UBL3: variants seen among roughly 807,000 people sequenced by gnomAD.
The protein encoded by UBL3 is ubiquitin-like protein 3.
In UBL3, 6 loss-of-function variants were observed where a neutral mutation model predicts 18.4. The ratio of observed to expected loss-of-function variants is 0.33; its 90% CI spans 0.18 to 0.64. The LOEUF (loss-of-function observed/expected upper bound fraction) is 0.64, where lower values mean the gene tolerates loss of function less well. Ranked by LOEUF, UBL3 falls within the 30% of genes least tolerant of loss-of-function variation. The pLI, the probability that UBL3 is intolerant of heterozygous loss-of-function variation, is 0.76. For missense variants in UBL3, 109 were observed against 142.9 expected (o/e 0.76, Z 1.21); for synonymous variants, 49 against 46.6 (o/e 1.05, Z -0.21).
intron 1 of UBL3, among the ~76,000 whole-genome samples, chr13:29,811,891 A>T (rs1389710003): frequency 3.3e-5 from 5 of 151,986 alleles, no homozygotes; most frequent in African/African-American, 1.2e-4. Flanking sequence ...CCTAACTGAT[A>T]CACTCTCTAT....
intron 1 of UBL3, among the ~76,000 whole-genome samples, chr13:29,823,909 C>T (rs1423387082): frequency 1.4e-5 from 2 of 142,722 alleles, no homozygotes; most frequent in Non-Finnish European, 3.0e-5. Flanking sequence ...TTCCTGTGTT[C>T]AAGTGTTCTC....
At chr13:29,825,891 A>C (rs1228865835) in intron 1 of UBL3, among the ~76,000 whole-genome samples, 2 of 152,160 alleles carry the variant, frequency 1.3e-5, no homozygotes, top group Non-Finnish European at 2.9e-5. Context: ...ATTTATTGAG[A>C]ATGTTTAGCA....
intron 1 of UBL3, among the ~76,000 whole-genome samples, chr13:29,782,271 CCAAAACAAGA>C (rs1227454199): frequency 1.3e-5 from 2 of 151,964 alleles, no homozygotes; most frequent in Non-Finnish European, 2.9e-5. Context: ...CCAAACCAAA[CCAAAACAAGA>C]CAAAACAAGA....
intron 1 of UBL3, among the ~76,000 whole-genome samples, chr13:29,812,241 C>G (rs1878108675): frequency 1.3e-5 from 2 of 151,964 alleles, no homozygotes; most frequent in Non-Finnish European, 2.9e-5. Context: ...ATTCAAAATT[C>G]AATTCTAAGA....
chr13:29,828,976 G>T (rs1473626074), intron 1 of UBL3, among the ~76,000 whole-genome samples: 3 of 152,200 alleles, frequency 2.0e-5, no homozygotes, highest in Non-Finnish European at 4.4e-5. Context: ...AGCAGCGGAG[G>T]CTGCAGAACA....
At chr13:29,801,440 A>G (rs781767131) in intron 1 of UBL3, among the ~76,000 whole-genome samples, 35 of 152,260 alleles carry the variant, frequency 2.3e-4, no homozygotes, top group Non-Finnish European at 3.4e-4. Flanking sequence ...TTAAAGCATG[A>G]CAGTCATTGT....
At chr13:29,790,431 A>G (rs948474233) in intron 1 of UBL3, among the ~76,000 whole-genome samples, 1 of 152,188 alleles carries the variant, frequency 6.6e-6, no homozygotes, top group Non-Finnish European at 1.5e-5. Context: ...GAAAACATCA[A>G]AAACCTTCTT....
Position 29,765,033 on chromosome 13 carries a change from G to A in UBL3, c.*2222C>T, listed in dbSNP as rs561905042. The A allele has an allele frequency of 2.6e-5, 4 of 151,778 alleles. No homozygotes were observed. The highest frequency in any genetic ancestry group is 1.3e-4 in the Admixed American group (2 of 15,230). The allele number at this position is 151,778 out of a possible 1,614,324, so 9.4% of individuals were successfully genotyped here. ...ACTATGATATTAGGTATTAAGCGAC[G>A]TAATTCTTTCTCTACTAGTGAACCA... On this transcript the variant is annotated 3_prime_UTR_variant, in exon 5 of 5. Coordinates refer to ENST00000380680, the MANE Select transcript of UBL3 (RefSeq NM_007106.4).
chr13:29,793,118 TAAA>T (rs1240474171), intron 1 of UBL3, among the ~76,000 whole-genome samples: 9 of 151,756 alleles, frequency 5.9e-5, no homozygotes, highest in Non-Finnish European at 1.0e-4. Context: ...AGAGGGGAAA[TAAA>T]GAAGAGAACT....
At chr13:29,846,441 T>A (rs1879229876) in intron 1 of UBL3, among the ~76,000 whole-genome samples, 1 of 152,078 alleles carries the variant, frequency 6.6e-6, no homozygotes. Flanking sequence ...CACTCCCTCA[T>A]CCAAAAAATT....
At chr13:29,808,425 C>G (rs752901752) in intron 1 of UBL3, among the ~76,000 whole-genome samples, 7 of 152,086 alleles carry the variant, frequency 4.6e-5, no homozygotes, top group Non-Finnish European at 7.4e-5. Flanking sequence ...TGTTACCACT[C>G]AACCTTTTGA....
intron 1 of UBL3, among the ~76,000 whole-genome samples, chr13:29,839,679 G>A (rs1177060923): frequency 2.6e-5 from 4 of 152,110 alleles, no homozygotes; most frequent in African/African-American, 9.7e-5. Flanking sequence ...TGTAATCCCA[G>A]CACTTTGGGA....
intron 2 of UBL3, among the ~76,000 whole-genome samples, chr13:29,776,644 G>A (rs1268058563): frequency 6.6e-6 from 1 of 151,854 alleles, no homozygotes; most frequent in South Asian, 2.1e-4. Flanking sequence ...AGGCCGAGGT[G>A]GGTGGATCAC....
intron 1 of UBL3, among the ~76,000 whole-genome samples, chr13:29,786,072 T>C (rs1051262056): frequency 6.6e-6 from 1 of 152,162 alleles, no homozygotes; most frequent in Non-Finnish European, 1.5e-5. Context: ...AAGGTATTAC[T>C]CTCCCATTCT....
At chr13:29,813,573 A>G (rs1230780392) in intron 1 of UBL3, among the ~76,000 whole-genome samples, 1 of 152,138 alleles carries the variant, frequency 6.6e-6, no homozygotes, top group African/African-American at 2.4e-5. Context: ...ACAATTAAAA[A>G]TAATGCAAAT....
At chr13:29,833,572 G>A (rs967124365) in intron 1 of UBL3, among the ~76,000 whole-genome samples, 11 of 152,132 alleles carry the variant, frequency 7.2e-5, no homozygotes, top group Admixed American at 5.2e-4. Context: ...AATTCCCTAA[G>A]ATAGCTGCAT....
chr13:29,811,466 T>C (rs1241801602), intron 1 of UBL3, among the ~76,000 whole-genome samples: 1 of 152,124 alleles, frequency 6.6e-6, no homozygotes, highest in East Asian at 1.9e-4. Flanking sequence ...GACCTAGTTC[T>C]GGACAAAGAG....
chr13:29,787,628 C>A (rs749698872), intron 1 of UBL3, among the ~76,000 whole-genome samples: 1 of 152,100 alleles, frequency 6.6e-6, no homozygotes, highest in African/African-American at 2.4e-5. Flanking sequence ...CAGCTTTAAC[C>A]GGATTTCAAT....
chr13:29,829,235 A>G (rs1443453482), intron 1 of UBL3, among the ~76,000 whole-genome samples: 2 of 152,204 alleles, frequency 1.3e-5, no homozygotes, highest in African/African-American at 2.4e-5. Flanking sequence ...GGGACATTTA[A>G]GTCTGCAGAG....
Sources: gnomAD v4.1 joint callset for allele counts (sites outside exome capture counted in the v4.1 genomes callset) on GRCh38, gnomAD v4.1.1 for gene constraint, MANE v1.5 for transcripts, NCBI Gene and HGNC (gene_info 2026-07-23, HGNC 2026-07-21) for gene names.